Variants in GNG2 observed in about 807,000 individuals in gnomAD.
GNG2 encodes the protein G protein subunit gamma 2.
In GNG2, 5 loss-of-function variants were observed where a neutral mutation model predicts 5.5. The observed-to-expected ratio is 0.91, with a 90% CI of 0.48 to 1.92. GNG2 has a LOEUF of 1.92. Ranked by LOEUF, GNG2 falls within the 30% of genes most tolerant of loss-of-function variation. The pLI is 0.01. For missense variants in GNG2, 55 were observed against 88.4 expected (o/e 0.62, Z 1.52); for synonymous variants, 28 against 32.0 (o/e 0.88, Z 0.42).
intron 2 of GNG2, among the ~76,000 whole-genome samples, chr14:51,894,737 A>G (rs1461782835): frequency 6.6e-6 from 1 of 152,152 alleles, no homozygotes; most frequent in East Asian, 1.9e-4. Context: ...ATAAAAGTAC[A>G]TAGAGGAGTC....
intron 2 of GNG2, among the ~76,000 whole-genome samples, chr14:51,919,708 G>A (rs535958477): frequency 4.6e-5 from 7 of 152,292 alleles, no homozygotes; most frequent in South Asian, 2.1e-4. Flanking sequence ...AACATGTTCC[G>A]CCCTAGTAAT....
chr14:51,944,582 A>G (rs776288538), intron 2 of GNG2, among the ~76,000 whole-genome samples: 1 of 152,220 alleles, frequency 6.6e-6, no homozygotes, highest in Non-Finnish European at 1.5e-5. Flanking sequence ...ACAAATCATG[A>G]TGGAAAAACT....
chr14:51,839,609 C>T (rs73289350), intron 2 of GNG2, among the ~76,000 whole-genome samples: 6,009 of 152,036 alleles, frequency 0.04, 226 homozygotes, highest in African/African-American at 0.097. Context: ...GGTTGTCAGA[C>T]GCCAGGGGTT....
chr14:51,904,197 G>C (rs1263893718), intron 2 of GNG2, among the ~76,000 whole-genome samples: 1 of 152,098 alleles, frequency 6.6e-6, no homozygotes, highest in Non-Finnish European at 1.5e-5. Context: ...ACTGCCACTG[G>C]AATTGCTGCC....
chr14:51,879,917 A>G (rs940287474), intron 2 of GNG2, among the ~76,000 whole-genome samples: 6 of 152,174 alleles, frequency 3.9e-5, no homozygotes, highest in Non-Finnish European at 5.9e-5. Flanking sequence ...TCTGCCTACT[A>G]CAAAGTCAAA....
intron 3 of GNG2, among the ~76,000 whole-genome samples, chr14:51,960,967 T>C (rs1889579182): frequency 6.6e-6 from 1 of 152,130 alleles, no homozygotes; most frequent in African/African-American, 2.4e-5. Context: ...CCAGAGGCCT[T>C]AAGAGCTTTC....
At chr14:51,914,052 C>G (rs1170135257) in intron 2 of GNG2, 9 of 560,788 alleles carry the variant, frequency 1.6e-5, no homozygotes, top group African/African-American at 1.1e-4. Context: ...GTCACTGTAT[C>G]CAATATAAAG....
chr14:51,952,009 T>G (rs771005147), intron 3 of GNG2: 18 of 651,410 alleles, frequency 2.8e-5, no homozygotes, highest in Non-Finnish European at 4.9e-5. Context: ...AATTAGAATC[T>G]CCTGGGGTAT....
chr14:51,911,954 A>T lies in GNG2; in HGVS notation c.-30+34297A>T, dbSNP rs142685990. ...AAGTAATTGCTTAGTAAATGAAAAA[A>T]AGTATAGCTAATAGTGTCAGGCACT... On this transcript the variant is annotated intron_variant, in intron 2 of 3. Transcript: ENST00000556766. Among the ~76,000 whole-genome samples the T allele has an allele frequency of 9.4e-3, 1,402 of 148,472 alleles. 163 individuals carry two copies. Among genetic ancestry groups the T allele is most frequent in the African/African-American group, 0.033 (1,319 of 39,604 alleles).
chr14:51,894,229 CA>C (rs1566670153), intron 2 of GNG2, among the ~76,000 whole-genome samples: 2 of 152,068 alleles, frequency 1.3e-5, no homozygotes, highest in African/African-American at 4.8e-5. Flanking sequence ...CTTCTCAATT[CA>C]AATATATCGT....
rs963961655 is a variant in GNG2 at position 51,841,555 on chromosome 14, G to C, written c.64+13748G>C. 1.9e-5 allele frequency: 13 copies of C among 701,970 alleles called. No individual in the cohort carries two copies. The African/African-American group carries it at 1.9e-4, about 10-fold the overall frequency. The allele number at this position is 701,970 out of a possible 1,614,324, so 43.5% of individuals were successfully genotyped here. A position where few individuals can be genotyped will look rare whatever the true frequency, so the allele number is the denominator to read the frequency against. On this transcript the variant is annotated intron_variant, in intron 2 of 3. Transcript: ENST00000553432. ...GTCACACAGCTAATTAAGTGTTGGAGCCCGGATTTGAACCCAGGTAATCTG... is the reference window on the plus strand; with the variant it reads ...GTCACACAGCTAATTAAGTGTTGGACCCCGGATTTGAACCCAGGTAATCTG...
At chr14:51,944,211 C>CAA (rs60662825) in intron 2 of GNG2, among the ~76,000 whole-genome samples, 12 of 149,556 alleles carry the variant, frequency 8.0e-5, no homozygotes, top group African/African-American at 2.2e-4. Context: ...GGGCTGCTAT[C>CAA]AAAAAAAAAA....
chr14:51,950,688 A>C lies in GNG2; in HGVS notation c.10A>C (p.Asn4His). The change falls in exon 3 of 4, where the codon AAC becomes CAC. Residue 4 changes from asparagine to histidine, a missense_variant. By Grantham distance (68) the Asn-to-His change is moderately conservative (BLOSUM62 1). Transcript: ENST00000556766. MAS[N>H]NTASIAQARK... Reference sequence around the variant, plus strand: ...TCTATCCAGCACTCCGATGGCCAGCAACAACACCGCCAGCATAGCACAAGC... The same window carrying C: ...TCTATCCAGCACTCCGATGGCCAGCCACAACACCGCCAGCATAGCACAAGC... 1 of 1,611,378 alleles carries C rather than the reference A, an allele frequency of 6.2e-7. No individual in the cohort carries two copies. The highest frequency in any genetic ancestry group is 8.5e-7 in the Non-Finnish European group (1 of 1,178,742).
intron 3 of GNG2, among the ~76,000 whole-genome samples, chr14:51,953,214 G>T (rs982741024): frequency 6.6e-6 from 1 of 152,124 alleles, no homozygotes; most frequent in Non-Finnish European, 1.5e-5. Flanking sequence ...TTTGCTGTTT[G>T]TTCAGTTGTT....
intron 2 of GNG2, among the ~76,000 whole-genome samples, chr14:51,854,996 T>C (rs1882087553): frequency 6.6e-6 from 1 of 152,160 alleles, no homozygotes; most frequent in Non-Finnish European, 1.5e-5. Flanking sequence ...ACCCATCCCC[T>C]TCCTCTCCTC....
intron 2 of GNG2, among the ~76,000 whole-genome samples, chr14:51,882,805 C>T (rs944986109): frequency 6.6e-6 from 1 of 151,760 alleles, no homozygotes; most frequent in African/African-American, 2.4e-5. Context: ...GTCAGGAGAT[C>T]GGGACCATCC....
intron 3 of GNG2, among the ~76,000 whole-genome samples, chr14:51,952,993 T>C (rs1889076995): frequency 6.6e-6 from 1 of 152,182 alleles, no homozygotes; most frequent in African/African-American, 2.4e-5. Flanking sequence ...TCATTCCTGC[T>C]CTCTTTTCTG....
chr14:51,904,491 T>A (rs1053040180), intron 2 of GNG2, among the ~76,000 whole-genome samples: 5 of 152,202 alleles, frequency 3.3e-5, no homozygotes, highest in Non-Finnish European at 5.9e-5. Context: ...CAGAGCACCA[T>A]ACGGAGATGT....
At chr14:51,966,505 C>T in intron 3 of GNG2, 54 bp from the exon 4 acceptor site, 1 of 1,547,108 alleles carries the variant, frequency 6.5e-7, no homozygotes, top group African/African-American at 1.4e-5. Flanking sequence ...AAGCCTTGGG[C>T]CTTGACTGAC....
Sources: allele counts gnomAD v4.1 joint callset (sites outside exome capture counted in the v4.1 genomes callset), GRCh38; gene constraint gnomAD v4.1.1; transcripts MANE v1.5; gene names NCBI Gene and HGNC (gene_info 2026-07-23, HGNC 2026-07-21).